ASIC3: variants seen among roughly 807,000 people sequenced by gnomAD.
The protein encoded by ASIC3 is acid-sensing ion channel 3.
Under a neutral mutation model 58.6 loss-of-function variants are expected in ASIC3, and 46 were observed. That is an observed-to-expected ratio of 0.79 (90% CI 0.62 to 1.00). The LOEUF is 1.00. Ranked by LOEUF, ASIC3 falls within the 50% of genes least tolerant of loss-of-function variation. The pLI, the probability that ASIC3 is intolerant of heterozygous loss-of-function variation, is 0.00. For synonymous variants in ASIC3, 336 were observed against 300.2 expected (o/e 1.12, Z -1.23); for missense variants, 770 against 735.0 (o/e 1.05, Z -0.55).
At position 151,051,989 on chromosome 7, in the gene ASIC3, T is replaced by C. The variant is rs199642384; in HGVS notation, c.1313T>C (p.Ile438Thr). ...GGTGACCCTGTCTCCACAGGTGACA[T>C]TGGGGGCCAGATGGGGCTGTTCATC... ...AYEMSELLGD[I>T]GGQMGLFIGA... is the part of the protein sequence containing the mutation. The change falls in exon 8 of 11, where the codon ATT (isoleucine) becomes ACT (threonine). Residue 438 changes from isoleucine (I) to threonine (T), a missense_variant. Physicochemically the swap from Ile to Thr is moderately conservative, Grantham distance 89. Transcript: ENST00000349064. The C allele has an allele frequency of 4.3e-5, 70 of 1,613,206 alleles. No homozygotes were observed. The Middle Eastern group carries it at 9.9e-4, about 23-fold the overall frequency.
In ASIC3 at chr7:151,051,988, A is replaced by T. The variant is rs978499830; in HGVS notation, c.1312A>T (p.Ile438Phe). The T allele has an allele frequency of 5.0e-6, 8 of 1,612,460 alleles. No homozygotes were observed. In the African/African-American group the frequency reaches 1.1e-4, roughly 22 times the overall value. The part of the protein sequence containing the change: ...AYEMSELLGD[I>F]GGQMGLFIGA... ...GGGTGACCCTGTCTCCACAGGTGAC[A>T]TTGGGGGCCAGATGGGGCTGTTCAT... is the stretch of plus-strand genomic sequence containing the variant. Residue 438 changes from isoleucine (I) to phenylalanine (F), a missense_variant, in exon 8 of 11, where the codon ATT (isoleucine) becomes TTT (phenylalanine). Transcript: ENST00000349064.
rs1796690106 is a variant in ASIC3 at position 151,048,856 on chromosome 7, T to C, written c.-30T>C. 3.3e-6 allele frequency: 5 copies of C among 1,528,976 alleles called. No homozygotes were observed. The South Asian group carries it at 6.4e-5, about 19-fold the overall frequency. 94.7% of individuals were successfully genotyped at this position (1,528,976 alleles called of 1,614,324 possible). ...CTCTCTCTCGCTTCTTCCAAGCCTCTGTAGCTGGTTCCGCTCCTGGGTTCT... is the reference window on the plus strand; with the variant it reads ...CTCTCTCTCGCTTCTTCCAAGCCTCCGTAGCTGGTTCCGCTCCTGGGTTCT... On this transcript the variant is annotated 5_prime_UTR_variant, in exon 1 of 11. Transcript: ENST00000349064.
rs1796761591 is a variant in ASIC3, at chr7:151,051,040, C to G, written c.1011C>G (p.Gly337=). The part of the protein sequence containing the change: ...KCGCRMVYMP[G]DVPVCSPQQY... ...AAGCCATCTCCCCGGTACCCGCAGG[C>G]GACGTGCCAGTGTGCAGCCCCCAGC... Residue 337 remains glycine, a splice_region_variant and synonymous_variant, in exon 5 of 11, where the codon GGC becomes GGG. Coordinates refer to ENST00000349064, the MANE Select transcript of ASIC3 (RefSeq NM_004769.4). 6.8e-6 allele frequency: 11 copies of G among 1,613,200 alleles called. No individual in the cohort carries two copies. Among genetic ancestry groups the G allele is most frequent in the African/African-American group, 1.3e-5 (1 of 74,940 alleles).
rs961577303 is a variant in ASIC3 at position 151,049,014 on chromosome 7, G to T, written c.129G>T (p.Gly43=). 1.5e-5 allele frequency: 24 copies of T among 1,613,284 alleles called. No homozygotes were observed. Among genetic ancestry groups the T allele is most frequent in the Non-Finnish European group, 2.0e-5 (24 of 1,179,608 alleles). The change falls in exon 1 of 11, where the codon GGG becomes GGT. Residue 43 remains glycine (G), a synonymous_variant. Transcript: ENST00000349064. ...CAGGCAGCCTGAGCCTGCGCCGGGG[G>T]ATGTGGGCAGCGGCCGTGGTCCTGT... ...FGPGSLSLRR[G]MWAAAVVLSV... is the part of the protein sequence containing the mutation.
Position 151,051,808 on chromosome 7 carries a change from A to G in ASIC3, c.1215-2A>G. The G allele has an allele frequency of 1.2e-6, 2 of 1,613,114 alleles. No homozygotes were observed. Among genetic ancestry groups the G allele is most frequent in the Non-Finnish European group, 1.7e-6 (2 of 1,179,940 alleles). On this transcript the variant is annotated splice_acceptor_variant, in intron 6 of 10. Transcript: ENST00000349064. LOFTEE classifies it high-confidence loss of function. ...CACATTTGAGGCCATTCTTGTCCTC[A>G]GGGAGAACGTGCTGGCCCTGGACAT...
intron 1 of ASIC3, among the ~76,000 whole-genome samples, chr7:151,049,765 T>G (rs1401638924): frequency 6.6e-6 from 1 of 151,072 alleles, no homozygotes; most frequent in African/African-American, 2.4e-5. Flanking sequence ...TGCCAGGAGG[T>G]GGGGGGGGCT....
chr7:151,052,697 A>T lies in ASIC3; in HGVS notation c.*45A>T, dbSNP rs754664943. ...GGAGCCCCGCCCTGACATCCTGGAC[A>T]TGCCTAGCCTGCACGTAGCTTTTCC... On this transcript the variant is annotated 3_prime_UTR_variant, in exon 11 of 11. Coordinates refer to ENST00000349064, the MANE Select transcript of ASIC3 (RefSeq NM_004769.4). The surrounding 1 kb of genome is among the most constrained non-coding windows in gnomAD (Gnocchi z 5.0). 1.2e-6 allele frequency: 2 copies of T among 1,614,102 alleles called. No homozygotes were observed. The highest frequency in any genetic ancestry group is 2.2e-5 in the East Asian group (1 of 44,882).
intron 6 of ASIC3, 98 bp from the exon 7 acceptor site, chr7:151,051,712 G>C (rs1180356997): frequency 2.3e-6 from 3 of 1,292,398 alleles, no homozygotes; most frequent in Non-Finnish European, 3.3e-6. Flanking sequence ...GCCTCTCCCA[G>C]GGTTCTTGAA....
Position 151,049,204 on chromosome 7 carries a change from C to T in ASIC3, c.319C>T (p.Leu107=). ...LRRSRLTPND[L]HWAGSALLGL... The stretch of plus-strand genomic sequence containing the variant: ...CCGCTCGCGCCTAACGCCCAACGAC[C>T]TGCACTGGGCTGGGTCTGCGCTGCT... Residue 107 remains leucine (L), a synonymous_variant, in exon 1 of 11, where the codon CTG becomes TTG. Coordinates refer to ENST00000349064, the MANE Select transcript of ASIC3 (RefSeq NM_004769.4). 1.2e-6 allele frequency: 2 copies of T among 1,613,076 alleles called. No homozygotes were observed. The highest frequency in any genetic ancestry group is 1.1e-5 in the South Asian group (1 of 91,058).
chr7:151,051,077 T>A lies in ASIC3; in HGVS notation c.1048T>A (p.Cys350Ser), dbSNP rs1796762904. The stretch of plus-strand genomic sequence containing the variant: ...GTGCAGCCCCCAGCAGTACAAGAAC[T>A]GTGCCCACCCGGCCATAGGTAAGGG... ...PVCSPQQYKNCAHPAIDAMLR... is the reference protein window; with the variant it reads ...PVCSPQQYKNSAHPAIDAMLR... Residue 350 changes from cysteine to serine, a missense_variant, in exon 5 of 11, where the codon TGT becomes AGT. Physicochemically the swap from Cys to Ser is moderately radical, Grantham distance 112. Coordinates refer to ENST00000349064, the MANE Select transcript of ASIC3 (RefSeq NM_004769.4). 6.2e-7 allele frequency: 1 copy of A among 1,612,928 alleles called. No individual in the cohort carries two copies. Among genetic ancestry groups the A allele is most frequent in the Non-Finnish European group, 8.5e-7 (1 of 1,179,932 alleles).
At position 151,050,843 on chromosome 7, in the gene ASIC3, G is replaced by A. The variant is rs1052941512; in HGVS notation, c.899G>A (p.Gly300Asp). 6.2e-7 allele frequency: 1 copy of A among 1,613,076 alleles called. No individual in the cohort carries two copies. The highest frequency in any genetic ancestry group is 1.3e-5 in the African/African-American group (1 of 74,908). ...GAGCCAGAGCCCTCTGATCCCCTAG[G>A]CTCCCCCAGCCCCAGCCCCAGCCCT... ...NYEPEPSDPL[G>D]SPSPSPSPPY... The change falls in exon 4 of 11, where the codon GGC becomes GAC. Residue 300 changes from glycine (G) to aspartate (D), a missense_variant. By Grantham distance (94) the Gly-to-Asp change is moderately conservative. Coordinates refer to ENST00000349064, the MANE Select transcript of ASIC3 (RefSeq NM_004769.4).
chr7:151,050,656 C>T (rs755496371), intron 3 of ASIC3, 48 bp downstream of exon 3: 1 of 1,611,900 alleles, frequency 6.2e-7, no homozygotes, highest in South Asian at 1.1e-5. Flanking sequence ...CCCACACCAC[C>T]TCAGACCCTA....
rs779907035 is a variant in ASIC3 at position 151,050,234 on chromosome 7, T to C, written c.663T>C (p.Tyr221=). The C allele has an allele frequency of 1.2e-6, 2 of 1,613,698 alleles. No homozygotes were observed. Among genetic ancestry groups the C allele is most frequent in the South Asian group, 1.1e-5 (1 of 91,074 alleles). The change falls in exon 2 of 11, where the codon TAT becomes TAC. Residue 221 remains tyrosine, a synonymous_variant. Transcript: ENST00000349064. ...DIMLDVQQEE[Y]LPVWRDNEET... Reference sequence around the variant, plus strand: ...TGCTGGACGTGCAGCAGGAGGAATATCTACCTGTGTGGAGGGACAATGGTA... The same window carrying C: ...TGCTGGACGTGCAGCAGGAGGAATACCTACCTGTGTGGAGGGACAATGGTA...
chr7:151,051,960 G>A, intron 7 of ASIC3, 23 bp from the exon 8 acceptor site: 1 of 1,613,530 alleles, frequency 6.2e-7, no homozygotes, highest in Non-Finnish European at 8.5e-7. Context: ...GCTGTAAGTT[G>A]AAGGGTGACC....
In ASIC3 at chr7:151,048,780, C is replaced by T. The variant is rs993915768; in HGVS notation, c.-106C>T. On this transcript the variant is annotated 5_prime_UTR_variant, in exon 1 of 11. Transcript: ENST00000349064. ...TGTCTCCCACCCTCTCTTCTCCTCT[C>T]CTTGCCTGGCCTCCTGAATCCTATC... 2 of 1,390,438 alleles carry T rather than the reference C, an allele frequency of 1.4e-6. No homozygotes were observed. Among genetic ancestry groups the T allele is most frequent in the African/African-American group, 2.9e-5 (2 of 69,248 alleles). The allele number at this position is 1,390,438 out of a possible 1,614,324, so 86.1% of individuals were successfully genotyped here.
At position 151,051,182 on chromosome 7, in the gene ASIC3, T is replaced by G; in HGVS notation, c.1077T>G (p.Leu359=). The part of the protein sequence containing the change: ...NCAHPAIDAM[L]RKDSCACPNP... Reference sequence around the variant, plus strand: ...CCCGGTGGCCCGCAGATGCCATGCTTCGCAAGGACTCGTGCGCCTGCCCCA... The same window carrying G: ...CCCGGTGGCCCGCAGATGCCATGCTGCGCAAGGACTCGTGCGCCTGCCCCA... Residue 359 remains leucine (L), a synonymous_variant, in exon 6 of 11, where the codon CTT becomes CTG. Transcript: ENST00000349064. 1 of 1,592,624 alleles carries G rather than the reference T, an allele frequency of 6.3e-7. No individual in the cohort carries two copies. Among genetic ancestry groups the G allele is most frequent in the Non-Finnish European group, 8.5e-7 (1 of 1,174,712 alleles).
At chr7:151,050,436 A>G (rs766078054) in intron 2 of ASIC3, 45 bp from the exon 3 acceptor site, 1 of 1,603,968 alleles carries the variant, frequency 6.2e-7, no homozygotes, top group Admixed American at 1.7e-5. Flanking sequence ...GTTGGGCAGG[A>G]GACCTGACCA....
intron 2 of ASIC3, 86 bp from the exon 3 acceptor site, chr7:151,050,395 G>A: frequency 1.9e-6 from 3 of 1,578,560 alleles, no homozygotes; most frequent in Non-Finnish European, 2.6e-6. Context: ...CCAGTCCTGG[G>A]GAGAGGGGCT....
chr7:151,052,598 C>T lies in ASIC3; in HGVS notation c.1542C>T (p.Val514=), dbSNP rs764339992. The T allele has an allele frequency of 5.0e-6, 8 of 1,614,004 alleles. No individual in the cohort carries two copies. The highest frequency in any genetic ancestry group is 2.2e-5 in the East Asian group (1 of 44,890). The change falls in exon 11 of 11, where the codon GTC becomes GTT. Residue 514 remains valine, a synonymous_variant. Coordinates refer to ENST00000349064, the MANE Select transcript of ASIC3 (RefSeq NM_004769.4). This position sits in a 1 kb window ranked among gnomAD's most constrained non-coding sequence, Gnocchi z 5.0. ...GPRPPTPPCA[V]TKTLSASHRT... is the part of the protein sequence containing the mutation. ...GACCTCCCACCCCTCCCTGTGCCGT[C>T]ACCAAGACTCTCTCCGCCTCCCACC...
Sources: allele counts gnomAD v4.1 joint callset (sites outside exome capture counted in the v4.1 genomes callset), GRCh38; gene constraint gnomAD v4.1.1; non-coding constraint Gnocchi (gnomAD v3.1); transcripts MANE v1.5; gene names NCBI Gene and HGNC (gene_info 2026-07-23, HGNC 2026-07-21).